Variants in CDKL3 observed in about 807,000 individuals in gnomAD.
CDKL3 encodes the protein cyclin-dependent kinase-like 3.
In CDKL3, 65 loss-of-function variants were observed where a neutral mutation model predicts 69.3. That is an observed-to-expected ratio of 0.94 (90% CI 0.77 to 1.15). CDKL3 has a LOEUF of 1.15. Ranked by LOEUF, CDKL3 falls within the 50% of genes most tolerant of loss-of-function variation. CDKL3 has a pLI of 0.00. For synonymous variants in CDKL3, 202 were observed against 221.6 expected (o/e 0.91, Z 0.79); for missense variants, 652 against 689.2 (o/e 0.95, Z 0.61).
intron 3 of CDKL3, among the ~76,000 whole-genome samples, chr5:134,358,592 A>ATATT (rs111820764): frequency 0.018 from 2,660 of 150,744 alleles, 40 homozygotes; most frequent in African/African-American, 0.042. Context: ...CCAGCTTGCT[A>ATATT]TATTTATTTA....
chr5:134,288,166 T>C (rs546321448), intron 8 of CDKL3, among the ~76,000 whole-genome samples: 3 of 152,310 alleles, frequency 2.0e-5, no homozygotes, highest in African/African-American at 7.2e-5. Flanking sequence ...AGTGCTGGGA[T>C]TATAGGCATG....
Position 134,321,244 on chromosome 5 carries a change from T to G in CDKL3, c.652+547A>C, listed in dbSNP as rs1264374618. Among the ~76,000 whole-genome samples, 5 of 152,186 alleles carry G rather than the reference T, an allele frequency of 3.3e-5. No individual in the cohort carries two copies. In the East Asian group the frequency reaches 9.7e-4, roughly 30 times the overall value. ...TCAGGTTGGTCTCCAACTCCTGATCTCAGGTGCTCCGCCTGCCTTGGCCTC... is the reference window on the plus strand; with the variant it reads ...TCAGGTTGGTCTCCAACTCCTGATCGCAGGTGCTCCGCCTGCCTTGGCCTC... On this transcript the variant is annotated intron_variant, in intron 5 of 12. Coordinates refer to ENST00000265334, the MANE Select transcript of CDKL3 (RefSeq NM_001113575.2).
At position 134,366,402 on chromosome 5, in the gene CDKL3, T is replaced by C. The variant is rs778805627; in HGVS notation, c.122A>G (p.Gln41Arg). 11 of 1,595,022 alleles carry C rather than the reference T, an allele frequency of 6.9e-6. No homozygotes were observed. In the South Asian group the frequency reaches 1.3e-4, roughly 18 times the overall value. The change falls in exon 2 of 13, where the codon CAA becomes CGA. Residue 41 changes from glutamine (Q) to arginine (R), a missense_variant. Physicochemically the swap from Gln to Arg is conservative, Grantham distance 43. Coordinates refer to ENST00000265334, the MANE Select transcript of CDKL3 (RefSeq NM_001113575.2). ...TCTCATCGCAATTTTGTTGACAGAT[T>C]GTTCTGGTCTCTCATAAAATATCTT... Reference protein sequence around the residue: ...AIKIFYERPEQSVNKIAMREI... With the variant: ...AIKIFYERPERSVNKIAMREI...
intron 4 of CDKL3, among the ~76,000 whole-genome samples, chr5:134,349,589 CTT>C (rs1448315543): frequency 6.6e-6 from 1 of 152,188 alleles, no homozygotes; most frequent in Non-Finnish European, 1.5e-5. Context: ...GATTTCAAAT[CTT>C]TGCAGAATGT....
At chr5:134,299,480 T>C in intron 12 of CDKL3, 2 of 1,220,326 alleles carry the variant, frequency 1.6e-6, no homozygotes, top group East Asian at 2.9e-5. Flanking sequence ...CAGGTAGTTT[T>C]TATAAATTCA....
chr5:134,332,901 C>T (rs993457089), intron 4 of CDKL3, among the ~76,000 whole-genome samples: 33 of 152,182 alleles, frequency 2.2e-4, no homozygotes, highest in Admixed American at 1.4e-3. Context: ...GCCATTTTCA[C>T]GATATTGATT....
intron 2 of CDKL3, among the ~76,000 whole-genome samples, chr5:134,366,130 G>A (rs1195166243): frequency 6.6e-6 from 1 of 152,036 alleles, no homozygotes; most frequent in Non-Finnish European, 1.5e-5. Flanking sequence ...TATTATACTT[G>A]AATATTTCTG....
chr5:134,289,947 C>T (rs892347846), intron 8 of CDKL3, among the ~76,000 whole-genome samples: 1 of 152,030 alleles, frequency 6.6e-6, no homozygotes, highest in East Asian at 1.9e-4. Flanking sequence ...AAGTGACTTA[C>T]TATGTGGAGT....
intron 4 of CDKL3, among the ~76,000 whole-genome samples, chr5:134,330,507 G>A (rs1211658156): frequency 6.6e-6 from 1 of 152,144 alleles, no homozygotes; most frequent in African/African-American, 2.4e-5. Context: ...TTGAGCTCAG[G>A]AGTTTGAGAC....
intron 6 of CDKL3, among the ~76,000 whole-genome samples, chr5:134,314,068 C>T (rs551125183): frequency 2.6e-5 from 4 of 152,082 alleles, no homozygotes; most frequent in South Asian, 2.1e-4. Flanking sequence ...TGCTTGAACC[C>T]GGGAGACAGG....
chr5:134,320,385 T>A (rs1362209074), intron 5 of CDKL3, among the ~76,000 whole-genome samples: 1 of 149,454 alleles, frequency 6.7e-6, no homozygotes, highest in African/African-American at 2.5e-5. Context: ...GGAGGCCGAG[T>A]CGGGCAACAT....
chr5:134,331,545 T>C (rs943822730), intron 4 of CDKL3, among the ~76,000 whole-genome samples: 1 of 152,054 alleles, frequency 6.6e-6, no homozygotes, highest in African/African-American at 2.4e-5. Context: ...TATGAGAACA[T>C]GTGGTGTTTG....
Position 134,321,858 on chromosome 5 carries a change from G to A in CDKL3, c.585C>T (p.Ala195=). The A allele has an allele frequency of 6.2e-7, 1 of 1,612,672 alleles. No individual in the cohort carries two copies. The highest frequency in any genetic ancestry group is 1.1e-5 in the South Asian group (1 of 90,944). ...WALGCMIIEM[A]TGNPYLPSSS... ...TACTAGGAAGATAGGGATTTCCAGT[G>A]GCCATCTCAATGATCATACAGCCCA... is the stretch of plus-strand genomic sequence containing the variant. The change falls in exon 5 of 13, where the codon GCC becomes GCT. Residue 195 remains alanine (A), a synonymous_variant. Coordinates refer to ENST00000265334, the MANE Select transcript of CDKL3 (RefSeq NM_001113575.2).
chr5:134,300,499 C>G (rs994013579), intron 12 of CDKL3, among the ~76,000 whole-genome samples: 1 of 152,078 alleles, frequency 6.6e-6, no homozygotes, highest in Non-Finnish European at 1.5e-5. Flanking sequence ...TTCTTTCATG[C>G]TCTAAAATAA....
intron 7 of CDKL3, among the ~76,000 whole-genome samples, chr5:134,309,701 C>T (rs2149447567): frequency 6.6e-6 from 1 of 152,292 alleles, no homozygotes; most frequent in East Asian, 1.9e-4. Context: ...CCAGCCCACT[C>T]TTCTGAGGAT....
At chr5:134,347,137 ACTCT>A (rs1752097009) in intron 4 of CDKL3, among the ~76,000 whole-genome samples, 2 of 152,124 alleles carry the variant, frequency 1.3e-5, no homozygotes, top group African/African-American at 4.8e-5. Context: ...CTATGGGGAA[ACTCT>A]CTATACTATC....
At chr5:134,307,120 T>C (rs1768100367) in intron 9 of CDKL3, among the ~76,000 whole-genome samples, 1 of 152,166 alleles carries the variant, frequency 6.6e-6, no homozygotes, top group Admixed American at 6.6e-5. Flanking sequence ...GTTTGAACAC[T>C]GAGTACCAAA....
chr5:134,369,334 T>A (rs867188040), upstream of CDKL3, among the ~76,000 whole-genome samples: 43 of 152,320 alleles, frequency 2.8e-4, no homozygotes, highest in Middle Eastern at 0.01. Context: ...TCCTTACCTC[T>A]ATTGCCTCCA....
chr5:134,302,898 ATTTAT>A (rs879870374), intron 11 of CDKL3, among the ~76,000 whole-genome samples: 71 of 152,128 alleles, frequency 4.7e-4, no homozygotes, highest in Admixed American at 9.8e-4. Context: ...AAAATAAGAC[ATTTAT>A]TTTATTTTAT....
Sources: allele counts gnomAD v4.1 joint callset (sites outside exome capture counted in the v4.1 genomes callset), GRCh38; gene constraint gnomAD v4.1.1; transcripts MANE v1.5; gene names NCBI Gene and HGNC (gene_info 2026-07-23, HGNC 2026-07-21).